The following N4BP2L2 variants were observed in gnomAD, a reference collection of about 807,000 sequenced individuals.
N4BP2L2 encodes NEDD4 binding protein 2 like 2.
N4BP2L2 carries 50 observed loss-of-function variants against 56.2 expected under a neutral mutation model. The observed-to-expected ratio is 0.89, with a 90% CI of 0.71 to 1.13. N4BP2L2 has a LOEUF of 1.13. Ranked by LOEUF, N4BP2L2 falls within the 50% of genes most tolerant of loss-of-function variation. The pLI is 0.00. For synonymous variants in N4BP2L2, 203 were observed against 223.6 expected (o/e 0.91, Z 0.82); for missense variants, 689 against 693.8 (o/e 0.99, Z 0.08).
chr13:32,466,883 A>G (rs2138832051), intron 6 of N4BP2L2, among the ~76,000 whole-genome samples: 1 of 152,208 alleles, frequency 6.6e-6, no homozygotes, highest in East Asian at 1.9e-4. Flanking sequence ...TTTTAAGTAG[A>G]AAAGGGAGTC....
intron 7 of N4BP2L2, among the ~76,000 whole-genome samples, chr13:32,441,738 T>A (rs546447519): frequency 5.8e-5 from 8 of 137,074 alleles, no homozygotes; most frequent in African/African-American, 1.6e-4. Context: ...TAAATAAATA[T>A]AAAAAAAGAA....
chr13:32,460,699 C>T (rs1410877986), intron 6 of N4BP2L2, among the ~76,000 whole-genome samples: 3 of 151,942 alleles, frequency 2.0e-5, no homozygotes, highest in Admixed American at 1.3e-4. Context: ...TATCAAAATA[C>T]CAATGACATT....
exon 6 of N4BP2L2, chr13:32,512,702 C>A (rs1465712791): frequency 6.6e-6 from 1 of 152,188 alleles, no homozygotes; most frequent in Admixed American, 6.5e-5. Flanking sequence ...TTGTGCTACT[C>A]CTTCTTCTTG....
At chr13:32,433,442 C>A (rs1404639876) in intron 9 of N4BP2L2, among the ~76,000 whole-genome samples, 1 of 151,714 alleles carries the variant, frequency 6.6e-6, no homozygotes, top group Non-Finnish European at 1.5e-5. Flanking sequence ...ACCAGCCTGG[C>A]CAACATGGCA....
intron 6 of N4BP2L2, among the ~76,000 whole-genome samples, chr13:32,471,086 T>C (rs985967882): frequency 6.6e-6 from 1 of 152,336 alleles, no homozygotes; most frequent in East Asian, 1.9e-4. Flanking sequence ...CCTACAGTAA[T>C]CTGTACTAAT....
chr13:32,462,299 T>C (rs1397012276), intron 6 of N4BP2L2, among the ~76,000 whole-genome samples: 1 of 152,134 alleles, frequency 6.6e-6, no homozygotes, highest in Admixed American at 6.5e-5. Flanking sequence ...TCCAGTAAGA[T>C]GAATGGAACT....
Position 32,453,121 on chromosome 13 carries a change from T to A in N4BP2L2, c.366-8995A>T, listed in dbSNP as rs1411521545. 2.6e-5 allele frequency among the ~76,000 whole-genome samples: 4 copies of A among 151,932 alleles called. No individual in the cohort carries two copies. In the South Asian group the frequency reaches 6.2e-4, roughly 24 times the overall value. On this transcript the variant is annotated intron_variant, in intron 6 of 9. Transcript: ENST00000357505. Reference sequence around the variant, plus strand: ...TAAAATACAAGAAATTAGCCGAGCATGGTGGTGGGCGCCTGTAGTCCCAGC... The same window carrying A: ...TAAAATACAAGAAATTAGCCGAGCAAGGTGGTGGGCGCCTGTAGTCCCAGC...
chr13:32,436,363 T>A, exon 9 of N4BP2L2: 2 of 1,221,008 alleles, frequency 1.6e-6, no homozygotes, highest in Non-Finnish European at 2.3e-6. Flanking sequence ...ATACTTACAG[T>A]TCAAGGAATT....
At chr13:32,518,420 T>C (rs1202447672) in intron 5 of N4BP2L2, among the ~76,000 whole-genome samples, 1 of 152,208 alleles carries the variant, frequency 6.6e-6, no homozygotes, top group East Asian at 1.9e-4. Flanking sequence ...CTATCACATT[T>C]TAAAATGGGC....
intron 6 of N4BP2L2, chr13:32,477,176 T>C: frequency 1.9e-6 from 1 of 515,862 alleles, no homozygotes. Context: ...GATCTACTCA[T>C]TTCTCCTTGG....
exon 5 of N4BP2L2, chr13:32,521,445 A>G: frequency 6.2e-7 from 1 of 1,608,522 alleles, no homozygotes; most frequent in South Asian, 1.1e-5. Context: ...TCCTTTTCCT[A>G]TGGCCTACAC....
intron 6 of N4BP2L2, among the ~76,000 whole-genome samples, chr13:32,463,937 A>AAAAAAAAAG (rs1449657864): frequency 6.6e-6 from 1 of 150,596 alleles, no homozygotes; most frequent in Non-Finnish European, 1.5e-5. Flanking sequence ...AAAAAAAAAA[A>AAAAAAAAAG]AGGTAAAGGG....
intron 6 of N4BP2L2, among the ~76,000 whole-genome samples, chr13:32,451,757 C>T (rs550542370): frequency 1.3e-3 from 195 of 151,642 alleles, no homozygotes; most frequent in African/African-American, 4.5e-3. Flanking sequence ...CACTATGTTC[C>T]CCAGGCTGGT....
chr13:32,438,790 C>A, intron 7 of N4BP2L2: 2 of 1,375,854 alleles, frequency 1.5e-6, no homozygotes, highest in Non-Finnish European at 2.0e-6. Flanking sequence ...CAGATTTTTG[C>A]CCTAACTGTG....
At chr13:32,436,807 A>AAAG (rs71071040) in intron 8 of N4BP2L2, among the ~76,000 whole-genome samples, 4 of 119,864 alleles carry the variant, frequency 3.3e-5, no homozygotes, top group African/African-American at 1.8e-4. Context: ...AAAAAAAAAA[A>AAAG]AAAGAAAGGA....
At chr13:32,488,079 G>C (rs1390993951) in intron 6 of N4BP2L2, among the ~76,000 whole-genome samples, 1 of 152,046 alleles carries the variant, frequency 6.6e-6, no homozygotes, top group Non-Finnish European at 1.5e-5. Flanking sequence ...TAGAGGCCTA[G>C]TTTGCATAAT....
exon 6 of N4BP2L2, chr13:32,513,183 C>A (rs562129148): frequency 1.8e-4 from 27 of 152,238 alleles, no homozygotes; most frequent in African/African-American, 6.3e-4. Flanking sequence ...AACTTAGTTG[C>A]CAATAATCAT....
rs1360295842 is a variant in N4BP2L2 at position 32,538,759 on chromosome 13, T to A, written c.-142A>T. 4 of 985,284 alleles carry A rather than the reference T, an allele frequency of 4.1e-6. No homozygotes were observed. In the Admixed American group the frequency reaches 1.8e-4, roughly 45 times the overall value. 61.0% of individuals were successfully genotyped at this position (985,284 alleles called of 1,614,324 possible). The stretch of plus-strand genomic sequence containing the variant: ...GGGACTAAAAGCCCACCTCTCAGAA[T>A]CGCGGTAACAAACCTCACCTCCGTA... On this transcript the variant is annotated 5_prime_UTR_variant, in exon 1 of 6. Coordinates refer to ENST00000267068, the Ensembl canonical transcript of N4BP2L2.
exon 7 of N4BP2L2, chr13:32,444,002 T>C: frequency 1.2e-6 from 2 of 1,609,150 alleles, no homozygotes; most frequent in South Asian, 2.2e-5. Flanking sequence ...GTAAGATCAC[T>C]TAAGAATTCT....
Sources: gnomAD v4.1 joint callset for allele counts (sites outside exome capture counted in the v4.1 genomes callset) on GRCh38, gnomAD v4.1.1 for gene constraint, MANE v1.5 for transcripts, NCBI Gene and HGNC (gene_info 2026-07-23, HGNC 2026-07-21) for gene names.